SBK1: variants seen among roughly 807,000 people sequenced by gnomAD.
SBK1 encodes the protein serine/threonine-protein kinase SBK1.
In SBK1, 11 loss-of-function variants were observed where a neutral mutation model predicts 24.4. The ratio of observed to expected loss-of-function variants is 0.45; its 90% CI spans 0.28 to 0.75. SBK1 has a LOEUF of 0.75. Among genes scored for constraint, SBK1 ranks in the 30% least tolerant of loss-of-function variants. SBK1 has a pLI of 0.12. For missense variants in SBK1, 467 were observed against 620.5 expected (o/e 0.75, Z 2.63); for synonymous variants, 308 against 284.4 (o/e 1.08, Z -0.83).
intron 1 of SBK1, among the ~76,000 whole-genome samples, chr16:28,268,513 A>T (rs1450717261): frequency 6.6e-6 from 1 of 150,652 alleles, no homozygotes; most frequent in Non-Finnish European, 1.5e-5. Flanking sequence ...CTGTAATCCC[A>T]GCACTTTGGG....
intron 2 of SBK1, among the ~76,000 whole-genome samples, chr16:28,318,513 C>A (rs547648749): frequency 6.6e-6 from 1 of 152,204 alleles, no homozygotes; most frequent in African/African-American, 2.4e-5. Context: ...GCAGGGCCTG[C>A]GATGTGTAAA....
rs993665289 is a variant in SBK1, at chr16:28,317,299, T to C, written c.-7-86T>C. 9 of 1,023,916 alleles carry C rather than the reference T, an allele frequency of 8.8e-6. No homozygotes were observed. Among genetic ancestry groups the C allele is most frequent in the Non-Finnish European group, 1.0e-5 (7 of 683,918 alleles). 63.4% of individuals were successfully genotyped at this position (1,023,916 alleles called of 1,614,324 possible). ...TGGCATCCGGGCCCATCCTCAAGTT[T>C]TCTGGGTTCTGGGGAGGGCAGAGGG... On this transcript the variant is annotated intron_variant, in intron 1 of 3. Coordinates refer to ENST00000341901, the MANE Select transcript of SBK1 (RefSeq NM_001024401.3). This position sits in a 1 kb window ranked among gnomAD's most constrained non-coding sequence, Gnocchi z 4.2.
intron 1 of SBK1, among the ~76,000 whole-genome samples, chr16:28,295,774 T>C (rs1447928440): frequency 2.6e-5 from 4 of 152,160 alleles, no homozygotes; most frequent in Admixed American, 6.5e-5. Flanking sequence ...TCAGATGATG[T>C]GGCAACCTCA....
chr16:28,304,423 G>A (rs973661603), intron 1 of SBK1, among the ~76,000 whole-genome samples: 1 of 152,058 alleles, frequency 6.6e-6, no homozygotes, highest in Non-Finnish European at 1.5e-5. Context: ...TAGAGCAGTG[G>A]GACGTTCAGG....
At chr16:28,282,455 C>A (rs570117292) in intron 1 of SBK1, among the ~76,000 whole-genome samples, 14 of 152,250 alleles carry the variant, frequency 9.2e-5, no homozygotes, top group Admixed American at 8.5e-4. Context: ...GGGAAGCCCC[C>A]GAACTTTGTG....
chr16:28,319,956 A>T lies in SBK1; in HGVS notation c.430-120A>T. The T allele has an allele frequency of 1.0e-6, 1 of 991,024 alleles. No individual in the cohort carries two copies. Among genetic ancestry groups the T allele is most frequent in the Non-Finnish European group, 1.4e-6 (1 of 710,930 alleles). 61.4% of individuals were successfully genotyped at this position (991,024 alleles called of 1,614,324 possible). A position where few individuals can be genotyped will look rare whatever the true frequency, so the allele number is the denominator to read the frequency against. On this transcript the variant is annotated intron_variant, in intron 3 of 3. Transcript: ENST00000341901. This position sits in a 1 kb window ranked among gnomAD's most constrained non-coding sequence, Gnocchi z 4.0. Reference sequence around the variant, plus strand: ...CGGGCCGCGTCTGCGCGGTCGCCCCAGTTACTGGGGACAGGGTGGGAGGCG... The same window carrying T: ...CGGGCCGCGTCTGCGCGGTCGCCCCTGTTACTGGGGACAGGGTGGGAGGCG...
chr16:28,267,496 A>G (rs2044436622), intron 1 of SBK1, among the ~76,000 whole-genome samples: 2 of 152,216 alleles, frequency 1.3e-5, no homozygotes, highest in African/African-American at 4.8e-5. Context: ...CCCTTTTGCC[A>G]TGGAAGGTAA....
chr16:28,287,404 G>A, intron 1 of SBK1, among the ~76,000 whole-genome samples: 1 of 149,600 alleles, frequency 6.7e-6, no homozygotes, highest in African/African-American at 2.5e-5. Context: ...AGCCGAGATT[G>A]TGCCATTGCT....
At position 28,301,206 on chromosome 16, in the gene SBK1, C is replaced by T. The variant is rs141921080; in HGVS notation, c.-8+7906C>T. Among the ~76,000 whole-genome samples, 517 of 152,344 alleles carry T rather than the reference C, an allele frequency of 3.4e-3. 1 individual carries two copies. The highest frequency in any genetic ancestry group is 6.8e-3 in the Middle Eastern group (2 of 294). ...AAGACCTCCCCAGCTTATCCCACAC[C>T]CCTGGGGGCTGCCCCGGGCCCTGCA... On this transcript the variant is annotated intron_variant, in intron 1 of 3. Coordinates refer to ENST00000341901, the MANE Select transcript of SBK1 (RefSeq NM_001024401.3).
At chr16:28,272,615 C>CTT (rs2044472502) in intron 1 of SBK1, among the ~76,000 whole-genome samples, 1 of 124,884 alleles carries the variant, frequency 8.0e-6, no homozygotes, top group African/African-American at 2.9e-5. Context: ...TTCTTTCTTT[C>CTT]TTTCTTTTTT....
intron 1 of SBK1, among the ~76,000 whole-genome samples, chr16:28,275,570 A>G (rs28707726): frequency 0.97 from 147,202 of 151,984 alleles, 71,416 homozygotes; most frequent in East Asian, 1. Context: ...TGGTGCCCAC[A>G]AGAAAGTCCT....
chr16:28,307,440 T>G (rs1168273898), intron 1 of SBK1, among the ~76,000 whole-genome samples: 1 of 152,090 alleles, frequency 6.6e-6, no homozygotes, highest in Non-Finnish European at 1.5e-5. Context: ...AATGACAGAG[T>G]AAAAATTACC....
At chr16:28,308,373 AC>A (rs2044730813) in intron 1 of SBK1, among the ~76,000 whole-genome samples, 1 of 145,886 alleles carries the variant, frequency 6.9e-6, no homozygotes, top group Admixed American at 6.9e-5. Context: ...CTGGTCTCAA[AC>A]TCCTGATCTC....
intron 1 of SBK1, among the ~76,000 whole-genome samples, chr16:28,264,862 T>C (rs2044418537): frequency 6.6e-6 from 1 of 151,938 alleles, no homozygotes; most frequent in Non-Finnish European, 1.5e-5. Context: ...AAGGAGCAGC[T>C]GGGAAAGTGG....
chr16:28,266,160 C>G (rs1452547462), intron 1 of SBK1, among the ~76,000 whole-genome samples: 2 of 151,916 alleles, frequency 1.3e-5, no homozygotes, highest in African/African-American at 4.8e-5. Context: ...ATCACTGGAG[C>G]CCAAGAGTTC....
In SBK1 at chr16:28,279,140, G is replaced by A. The variant is rs151284065; in HGVS notation, c.257+19638G>A. On this transcript the variant is annotated intron_variant, in intron 1 of 3. Transcript: ENST00000671413. ...GAGAATCACTTGAACCCAAGAGGCG[G>A]AGGTTGCAGAGCCCCAAGATGGCAC... 9.0e-3 allele frequency among the ~76,000 whole-genome samples: 1,362 copies of A among 151,492 alleles called. 20 individuals carry two copies. The highest frequency in any genetic ancestry group is 0.031 in the African/African-American group (1,299 of 41,364).
chr16:28,260,209 C>T (rs1489592533), intron 1 of SBK1, among the ~76,000 whole-genome samples: 1 of 151,992 alleles, frequency 6.6e-6, no homozygotes, highest in Non-Finnish European at 1.5e-5. Context: ...TTTGTGGGAG[C>T]AGGTATGAGT....
At chr16:28,302,472 G>A (rs2044685837) in intron 1 of SBK1, among the ~76,000 whole-genome samples, 1 of 152,182 alleles carries the variant, frequency 6.6e-6, no homozygotes, top group Admixed American at 6.5e-5. Flanking sequence ...GGTGTGAAGG[G>A]GGCTCCCAGA....
At chr16:28,277,348 G>C (rs1237808403) in intron 1 of SBK1, among the ~76,000 whole-genome samples, 2 of 151,050 alleles carry the variant, frequency 1.3e-5, no homozygotes, top group Admixed American at 1.3e-4. Context: ...GAGAGAGAGA[G>C]AGAGAAAAAA....
Sources: allele counts gnomAD v4.1 joint callset (sites outside exome capture counted in the v4.1 genomes callset), GRCh38; gene constraint gnomAD v4.1.1; non-coding constraint Gnocchi (gnomAD v3.1); transcripts MANE v1.5; gene names NCBI Gene and HGNC (gene_info 2026-07-23, HGNC 2026-07-21).